Variants in ASTN2 observed in about 807,000 individuals in gnomAD.
ASTN2 encodes the protein astrotactin-2.
In ASTN2, 54 loss-of-function variants were observed where a neutral mutation model predicts 139.8. The observed-to-expected ratio is 0.39, with a 90% CI of 0.31 to 0.48. The LOEUF (loss-of-function observed/expected upper bound fraction) is 0.48. Ranked by LOEUF, ASTN2 falls within the 20% of genes least tolerant of loss-of-function variation. ASTN2 has a pLI of 0.95. For synonymous variants in ASTN2, 756 were observed against 719.5 expected, an observed-to-expected ratio of 1.05 and a Z score of -0.81; for missense variants, 1,565 against 1,725.1, an observed-to-expected ratio of 0.91 and a Z score of 1.64.
chr9:117,015,898 A>C (rs1356552473), intron 6 of ASTN2, among the ~76,000 whole-genome samples: 3 of 152,110 alleles, frequency 2.0e-5, no homozygotes, highest in Non-Finnish European at 1.5e-5. Context: ...TATCAGAAAA[A>C]TTTGAGTCTT....
intron 13 of ASTN2, among the ~76,000 whole-genome samples, chr9:116,788,047 G>A (rs117235731): frequency 3.2e-3 from 481 of 152,162 alleles, no homozygotes; most frequent in Middle Eastern, 6.8e-3. Flanking sequence ...ATCATGCTAA[G>A]TGAAATAAGC....
intron 19 of ASTN2, among the ~76,000 whole-genome samples, chr9:116,512,520 G>A (rs969673342): frequency 1.3e-5 from 2 of 152,124 alleles, no homozygotes; most frequent in South Asian, 2.1e-4. Context: ...TATTAGGTCC[G>A]CTTGGTGTAG....
chr9:116,801,916 G>A (rs1187021194), intron 13 of ASTN2, among the ~76,000 whole-genome samples: 1 of 152,012 alleles, frequency 6.6e-6, no homozygotes, highest in Non-Finnish European at 1.5e-5. Flanking sequence ...GGCAAATCAG[G>A]GCACTTAGGC....
chr9:117,276,864 T>C (rs1197255172), intron 2 of ASTN2: 1 of 152,194 alleles, frequency 6.6e-6, no homozygotes, highest in African/African-American at 2.4e-5. Flanking sequence ...AATGATCCAA[T>C]CCATAAGATG....
intron 1 of ASTN2, among the ~76,000 whole-genome samples, chr9:117,335,995 A>T (rs1390151307): frequency 1.3e-5 from 2 of 151,070 alleles, no homozygotes; most frequent in East Asian, 4.0e-4. Context: ...AACACACGAC[A>T]GCTTCGTTGA....
Position 117,236,800 on chromosome 9 carries a change from T to C in ASTN2, c.631-22058A>G, listed in dbSNP as rs142387042. Reference sequence around the variant, plus strand: ...CTATAAAATGAACACAATAATTCTATGTAATTCATAGGGATGTTGTAAAAG... The same window carrying C: ...CTATAAAATGAACACAATAATTCTACGTAATTCATAGGGATGTTGTAAAAG... On this transcript the variant is annotated intron_variant, in intron 2 of 22. Transcript: ENST00000313400. 7.3e-3 allele frequency among the ~76,000 whole-genome samples: 1,105 copies of C among 152,312 alleles called. 6 individuals are homozygous for C. The highest frequency in any genetic ancestry group is 0.013 in the Non-Finnish European group (883 of 68,022).
At chr9:116,465,938 C>T (rs1286168938) in intron 20 of ASTN2, among the ~76,000 whole-genome samples, 5 of 150,618 alleles carry the variant, frequency 3.3e-5, no homozygotes, top group African/African-American at 1.2e-4. Context: ...AATAATGACA[C>T]GTGGTGGCTT....
intron 11 of ASTN2, among the ~76,000 whole-genome samples, chr9:116,829,580 C>T (rs1483935260): frequency 1.3e-5 from 2 of 152,096 alleles, no homozygotes; most frequent in African/African-American, 4.8e-5. Flanking sequence ...AGAGGCACGT[C>T]TTCACATTGC....
intron 6 of ASTN2, among the ~76,000 whole-genome samples, chr9:117,030,492 A>G (rs1001302157): frequency 4.6e-5 from 7 of 152,170 alleles, no homozygotes; most frequent in African/African-American, 7.2e-5. Context: ...TATGAAGGAA[A>G]ATTAGTAATG....
chr9:117,063,454 C>T (rs1415764595), intron 5 of ASTN2, among the ~76,000 whole-genome samples: 2 of 152,128 alleles, frequency 1.3e-5, no homozygotes, highest in East Asian at 3.9e-4. Flanking sequence ...AAGGGGAAAC[C>T]CATTTCGCTT....
At chr9:116,646,437 G>A (rs992440998) in intron 17 of ASTN2, among the ~76,000 whole-genome samples, 25 of 152,204 alleles carry the variant, frequency 1.6e-4, no homozygotes, top group African/African-American at 6.0e-4. Flanking sequence ...GAAAAGTCAT[G>A]GGAGGAAGGG....
chr9:117,206,335 G>C (rs150510338), intron 3 of ASTN2, among the ~76,000 whole-genome samples: 62 of 152,152 alleles, frequency 4.1e-4, no homozygotes, highest in African/African-American at 1.3e-3. Context: ...ATCTCTATCC[G>C]ACCCCATTGC....
chr9:116,474,094 C>T (rs10759842), intron 20 of ASTN2, among the ~76,000 whole-genome samples: 121,041 of 152,048 alleles, frequency 0.8, 50,078 homozygotes, highest in East Asian at 0.9. Flanking sequence ...GCATCTTGTA[C>T]AGCCAGAAAC....
At position 117,375,926 on chromosome 9, in the gene ASTN2, A is replaced by G. The variant is rs975728533; in HGVS notation, c.442+38571T>C. ...TCTCCTGGCACCTTCCTCCCACTTC[A>G]AAGCCCTCAAGTCTCTCTGTATGTC... On this transcript the variant is annotated intron_variant, in intron 1 of 22. Transcript: ENST00000313400. 7.2e-5 allele frequency among the ~76,000 whole-genome samples: 11 copies of G among 152,046 alleles called. No homozygotes were observed. In the South Asian group the frequency reaches 1.2e-3, roughly 17 times the overall value.
At chr9:116,926,060 G>A (rs1834746954) in intron 10 of ASTN2, among the ~76,000 whole-genome samples, 1 of 151,768 alleles carries the variant, frequency 6.6e-6, no homozygotes, top group Non-Finnish European at 1.5e-5. Context: ...TCCTTATCAT[G>A]CTCCATCCAA....
chr9:116,830,371 T>C (rs1831770418), intron 11 of ASTN2, among the ~76,000 whole-genome samples: 1 of 151,868 alleles, frequency 6.6e-6, no homozygotes, highest in South Asian at 2.1e-4. Flanking sequence ...GGAACACTTA[T>C]GGAATGTAAA....
chr9:117,029,894 C>G (rs1419504032), intron 6 of ASTN2, among the ~76,000 whole-genome samples: 3 of 152,034 alleles, frequency 2.0e-5, no homozygotes, highest in African/African-American at 7.2e-5. Flanking sequence ...ATTAAAGCTG[C>G]AAACAGTGAG....
chr9:117,001,936 C>T (rs1330605007), intron 7 of ASTN2, among the ~76,000 whole-genome samples: 3 of 152,210 alleles, frequency 2.0e-5, no homozygotes, highest in Admixed American at 6.5e-5. Context: ...ACACTCAACA[C>T]ACCGACTTAT....
chr9:117,359,299 G>T (rs2130892730), intron 1 of ASTN2, among the ~76,000 whole-genome samples: 1 of 152,254 alleles, frequency 6.6e-6, no homozygotes, highest in South Asian at 2.1e-4. Context: ...AATAAAAAAA[G>T]ATTGTAGACA....
Sources: allele counts gnomAD v4.1 joint callset (sites outside exome capture counted in the v4.1 genomes callset), GRCh38; gene constraint gnomAD v4.1.1; transcripts MANE v1.5; gene names NCBI Gene and HGNC (gene_info 2026-07-23, HGNC 2026-07-21).